The following UNC13C variants were observed in gnomAD, a reference collection of about 807,000 sequenced individuals.
UNC13C encodes the protein protein unc-13 homolog C.
A neutral mutation model predicts 245.4 loss-of-function variants in UNC13C; 174 were observed. That is an observed-to-expected ratio of 0.71 (90% CI 0.63 to 0.80). The LOEUF (loss-of-function observed/expected upper bound fraction) is 0.80. UNC13C is among the 30% of genes least tolerant of loss of function. UNC13C has a pLI of 0.00. For missense variants in UNC13C, 2,829 were observed against 2,602.9 expected (o/e 1.09, Z -1.89); for synonymous variants, 992 against 895.1 (o/e 1.11, Z -1.93).
intron 24 of UNC13C, among the ~76,000 whole-genome samples, chr15:54,513,193 A>G (rs1401608821): frequency 6.6e-6 from 1 of 152,166 alleles, no homozygotes; most frequent in Admixed American, 6.5e-5. Flanking sequence ...GATGTTTTAT[A>G]TTCAGACTTG....
intron 19 of UNC13C, among the ~76,000 whole-genome samples, chr15:54,464,152 A>T (rs1892041981): frequency 6.6e-6 from 1 of 152,202 alleles, no homozygotes; most frequent in African/African-American, 2.4e-5. Flanking sequence ...GGTATTATCA[A>T]TATGCTCAAT....
chr15:54,273,722 C>A (rs533074860), intron 10 of UNC13C, among the ~76,000 whole-genome samples: 1 of 152,156 alleles, frequency 6.6e-6, no homozygotes, highest in Non-Finnish European at 1.5e-5. Context: ...TACACTACAA[C>A]CAACTGATCT....
intron 1 of UNC13C, among the ~76,000 whole-genome samples, chr15:54,007,340 G>T (rs923106371): frequency 1.8e-4 from 28 of 152,152 alleles, no homozygotes; most frequent in African/African-American, 6.5e-4. Context: ...TGATTCAATA[G>T]CAAAGACATG....
At chr15:54,582,024 G>C (rs1898224070) in intron 30 of UNC13C, among the ~76,000 whole-genome samples, 1 of 151,902 alleles carries the variant, frequency 6.6e-6, no homozygotes, top group African/African-American at 2.4e-5. Context: ...TGGGAGAAAG[G>C]GGAGGAAGGA....
intron 30 of UNC13C, among the ~76,000 whole-genome samples, chr15:54,597,435 G>A (rs1051139490): frequency 1.3e-5 from 2 of 152,158 alleles, no homozygotes; most frequent in African/African-American, 4.8e-5. Context: ...CAAAGTTTCT[G>A]TGCATGTAAG....
chr15:54,525,637 G>A lies in UNC13C; in HGVS notation c.5546G>A (p.Ser1849Asn). 1 of 1,610,394 alleles carries A rather than the reference G, an allele frequency of 6.2e-7. No individual in the cohort carries two copies. Among genetic ancestry groups the A allele is most frequent in the South Asian group, 1.1e-5 (1 of 90,276 alleles). The stretch of plus-strand genomic sequence containing the variant: ...GAGCTCAGCGTCACTTATGGTGAAA[G>A]GTAAGTGGCCTCTGTTGTCATTATC... ...LDELSVTYGE[S>N]FQVIIEECIK... is the part of the protein sequence containing the mutation. The change falls in exon 25 of 33, where the codon AGT becomes AAT. Residue 1849 changes from serine (S) to asparagine (N), a missense_variant and splice_region_variant. Physicochemically the swap from Ser to Asn is conservative, Grantham distance 46 (BLOSUM62 1). Transcript: ENST00000260323.
At chr15:53,894,536 C>A in the UNC13C span, among the ~76,000 whole-genome samples, 1 of 152,256 alleles carries the variant, frequency 6.6e-6, no homozygotes, top group African/African-American at 2.4e-5. Context: ...CGAAAGTCTG[C>A]TGGCACAGTC....
chr15:54,560,728 T>A (rs553804030), intron 29 of UNC13C, among the ~76,000 whole-genome samples: 1 of 151,798 alleles, frequency 6.6e-6, no homozygotes, highest in South Asian at 2.1e-4. Flanking sequence ...ATTATACCAC[T>A]AACAAGTATA....
At chr15:53,922,524 T>A in the UNC13C span, among the ~76,000 whole-genome samples, 1 of 152,204 alleles carries the variant, frequency 6.6e-6, no homozygotes, top group Admixed American at 6.5e-5. Flanking sequence ...TGGTCTTTCG[T>A]ACTTACCTCC....
At chr15:54,410,216 G>A (rs2040389581) in intron 18 of UNC13C, among the ~76,000 whole-genome samples, 1 of 152,040 alleles carries the variant, frequency 6.6e-6, no homozygotes, top group Non-Finnish European at 1.5e-5. Context: ...CATTTTTAAT[G>A]AGGTTGCCTG....
At chr15:54,214,501 C>G (rs1464440244) in intron 4 of UNC13C, among the ~76,000 whole-genome samples, 1 of 151,868 alleles carries the variant, frequency 6.6e-6, no homozygotes, top group African/African-American at 2.4e-5. Context: ...AGTCTGACAA[C>G]CACTTAATAG....
At chr15:54,266,893 C>G (rs1223401205) in intron 10 of UNC13C, among the ~76,000 whole-genome samples, 1 of 151,984 alleles carries the variant, frequency 6.6e-6, no homozygotes, top group Admixed American at 6.6e-5. Flanking sequence ...TTTCCTATAA[C>G]TAGAACAATA....
chr15:54,298,687 A>G (rs2037498527), intron 12 of UNC13C, among the ~76,000 whole-genome samples: 1 of 152,130 alleles, frequency 6.6e-6, no homozygotes, highest in South Asian at 2.1e-4. Flanking sequence ...CAGACAAATC[A>G]TCTTGGGAGT....
chr15:54,215,897 A>G (rs1356085566), intron 4 of UNC13C, among the ~76,000 whole-genome samples: 1 of 152,010 alleles, frequency 6.6e-6, no homozygotes, highest in African/African-American at 2.4e-5. Context: ...TTTCATGGCT[A>G]AATACCTACA....
intron 2 of UNC13C, among the ~76,000 whole-genome samples, chr15:54,043,405 G>T (rs1896897041): frequency 1.3e-5 from 2 of 152,094 alleles, no homozygotes; most frequent in Admixed American, 6.6e-5. Context: ...TTGAAGCCCA[G>T]TCAAAGTTTC....
chr15:54,075,530 C>A (rs1212900261), intron 2 of UNC13C, among the ~76,000 whole-genome samples: 3 of 119,650 alleles, frequency 2.5e-5, no homozygotes, highest in African/African-American at 6.8e-5. Flanking sequence ...CCAGCCCGGG[C>A]GACAGAGCGA....
chr15:54,307,820 A>G (rs995242062), intron 13 of UNC13C, among the ~76,000 whole-genome samples: 2 of 151,902 alleles, frequency 1.3e-5, no homozygotes, highest in African/African-American at 2.4e-5. Flanking sequence ...TTGAGAAGCT[A>G]TGATGTTTTT....
Position 54,012,818 on chromosome 15 carries a change from A to G in UNC13C, c.-86A>G. 2 of 1,059,256 alleles carry G rather than the reference A, an allele frequency of 1.9e-6. No individual in the cohort carries two copies. The highest frequency in any genetic ancestry group is 2.8e-6 in the Non-Finnish European group (2 of 722,218). The allele number at this position is 1,059,256 out of a possible 1,614,324, so 65.6% of individuals were successfully genotyped here. On this transcript the variant is annotated 5_prime_UTR_variant, in exon 2 of 33. Transcript: ENST00000260323. ...CCAGTGATTCACAGAACTTCTGAAC[A>G]GTGATGCTTGCCTTGGATTTTCAGG...
chr15:53,907,461 G>A, the UNC13C span, among the ~76,000 whole-genome samples: 4 of 152,198 alleles, frequency 2.6e-5, no homozygotes, highest in African/African-American at 9.6e-5. Flanking sequence ...GATGATGTAT[G>A]ATATAGCGGA....
Sources: allele counts gnomAD v4.1 joint callset (sites outside exome capture counted in the v4.1 genomes callset), GRCh38; gene constraint gnomAD v4.1.1; transcripts MANE v1.5; gene names NCBI Gene and HGNC (gene_info 2026-07-23, HGNC 2026-07-21).